Variants in ZDHHC14 observed in about 807,000 individuals in gnomAD.
ZDHHC14 encodes palmitoyltransferase ZDHHC14.
In ZDHHC14, 16 loss-of-function variants were observed where a neutral mutation model predicts 47.7. That is an observed-to-expected ratio of 0.34 (90% CI 0.23 to 0.51). ZDHHC14 has a LOEUF of 0.51. Among genes scored for constraint, ZDHHC14 ranks in the 20% least tolerant of loss-of-function variants. The probability of loss-of-function intolerance (pLI) is 0.97; values close to 1 mark genes in which losing one functional copy is unlikely to be tolerated. For synonymous variants in ZDHHC14, 293 were observed against 278.9 expected, an observed-to-expected ratio of 1.05 and a Z score of -0.50; for missense variants, 515 against 662.5, an observed-to-expected ratio of 0.78 and a Z score of 2.44.
At chr6:157,421,914 G>A (rs1420806147) in intron 1 of ZDHHC14, among the ~76,000 whole-genome samples, 1 of 152,170 alleles carries the variant, frequency 6.6e-6, no homozygotes, top group African/African-American at 2.4e-5. Context: ...GGCCTGGATT[G>A]TGTGTTTCAC....
intron 2 of ZDHHC14, among the ~76,000 whole-genome samples, chr6:157,559,510 C>G (rs1397499991): frequency 1.3e-5 from 2 of 152,232 alleles, no homozygotes; most frequent in Non-Finnish European, 2.9e-5. Context: ...AAAGAATCCG[C>G]TCAAGCTGGA....
chr6:157,452,174 C>T (rs1158027706), intron 1 of ZDHHC14, among the ~76,000 whole-genome samples: 2 of 152,198 alleles, frequency 1.3e-5, no homozygotes, highest in African/African-American at 4.8e-5. Context: ...GATTTATAGT[C>T]TCTGACCTAA....
At chr6:157,563,287 C>T (rs143983183) in intron 2 of ZDHHC14, among the ~76,000 whole-genome samples, 2 of 152,222 alleles carry the variant, frequency 1.3e-5, no homozygotes, top group Admixed American at 1.3e-4. Context: ...GGCCCCTGCC[C>T]GAGCTTGGCC....
intron 3 of ZDHHC14, among the ~76,000 whole-genome samples, chr6:157,603,798 A>C (rs1035651384): frequency 1.3e-5 from 2 of 152,178 alleles, no homozygotes; most frequent in Non-Finnish European, 2.9e-5. Flanking sequence ...TGTGGTACTT[A>C]CTGGCCGCCA....
chr6:157,661,581 G>A (rs1778345247), intron 8 of ZDHHC14, among the ~76,000 whole-genome samples: 1 of 152,186 alleles, frequency 6.6e-6, no homozygotes, highest in African/African-American at 2.4e-5. Flanking sequence ...TATGCAGTGG[G>A]GAGTGGCAGA....
intron 8 of ZDHHC14, among the ~76,000 whole-genome samples, chr6:157,657,670 T>G (rs932523118): frequency 2.6e-5 from 4 of 152,224 alleles, no homozygotes; most frequent in African/African-American, 9.6e-5. Context: ...CTCAACATCC[T>G]GGGAGTCATA....
chr6:157,610,432 A>C (rs751442259), intron 3 of ZDHHC14, among the ~76,000 whole-genome samples: 1 of 151,548 alleles, frequency 6.6e-6, no homozygotes. Context: ...ACTCCGTCTC[A>C]AAAAAATAAA....
intron 2 of ZDHHC14, among the ~76,000 whole-genome samples, chr6:157,543,928 A>G (rs1053517214): frequency 6.6e-6 from 1 of 152,210 alleles, no homozygotes; most frequent in Non-Finnish European, 1.5e-5. Flanking sequence ...TAGCACTTTA[A>G]TCGTTTGTCA....
intron 2 of ZDHHC14, 56 bp from the exon 3 acceptor site, chr6:157,592,932 G>C: frequency 1.3e-6 from 2 of 1,541,696 alleles, no homozygotes; most frequent in East Asian, 2.3e-5. Context: ...GACGGGTCCC[G>C]CCGAGGCAGA....
intron 1 of ZDHHC14, among the ~76,000 whole-genome samples, chr6:157,422,765 T>C (rs1399003251): frequency 6.6e-6 from 1 of 152,236 alleles, no homozygotes; most frequent in East Asian, 1.9e-4. Context: ...CCAAGGCATT[T>C]GTATCGACCC....
Position 157,394,894 on chromosome 6 carries a change from A to C in ZDHHC14, c.245+12628A>C, listed in dbSNP as rs138740293. On this transcript the variant is annotated intron_variant, in intron 1 of 8. Transcript: ENST00000359775. ...ACTAAAGTTACAGGGCTGAAGTTTGAGAATTTTAAAAAAATGATGGTAAAT... is the reference window on the plus strand; with the variant it reads ...ACTAAAGTTACAGGGCTGAAGTTTGCGAATTTTAAAAAAATGATGGTAAAT... Among the ~76,000 whole-genome samples the C allele has an allele frequency of 1.7e-4, 26 of 152,136 alleles. No individual in the cohort carries two copies. In the East Asian group the frequency reaches 4.8e-3, roughly 28 times the overall value.
chr6:157,638,976 A>G (rs1777113871), intron 5 of ZDHHC14, among the ~76,000 whole-genome samples: 1 of 152,238 alleles, frequency 6.6e-6, no homozygotes, highest in Non-Finnish European at 1.5e-5. Flanking sequence ...GGGGCAGCCC[A>G]TCTGCAGGGC....
intron 8 of ZDHHC14, among the ~76,000 whole-genome samples, chr6:157,659,772 T>C (rs1778264078): frequency 6.6e-6 from 1 of 152,248 alleles, no homozygotes; most frequent in Admixed American, 6.5e-5. Context: ...CGTCTTCCTT[T>C]CTACTTATTT....
intron 1 of ZDHHC14, among the ~76,000 whole-genome samples, chr6:157,535,350 G>A (rs1235046233): frequency 6.6e-6 from 1 of 152,140 alleles, no homozygotes; most frequent in Non-Finnish European, 1.5e-5. Flanking sequence ...GACATTCCTC[G>A]ACTCGGTAGG....
chr6:157,453,526 C>T (rs1778848017), intron 1 of ZDHHC14, among the ~76,000 whole-genome samples: 1 of 152,186 alleles, frequency 6.6e-6, no homozygotes, highest in South Asian at 2.1e-4. Context: ...TTATAAAAGA[C>T]CCTCTACTAA....
chr6:157,416,436 G>C (rs1475800573), intron 1 of ZDHHC14, among the ~76,000 whole-genome samples: 1 of 152,022 alleles, frequency 6.6e-6, no homozygotes, highest in Non-Finnish European at 1.5e-5. Context: ...GCCAAGTCAA[G>C]AGGATTGCTT....
intron 1 of ZDHHC14, among the ~76,000 whole-genome samples, chr6:157,489,080 C>T (rs1332987306): frequency 6.6e-6 from 1 of 152,234 alleles, no homozygotes; most frequent in Non-Finnish European, 1.5e-5. Flanking sequence ...ATCAGCAGAT[C>T]TGTCTGGAAT....
chr6:157,543,231 T>C (rs1286354427), intron 2 of ZDHHC14, among the ~76,000 whole-genome samples: 1 of 152,342 alleles, frequency 6.6e-6, no homozygotes, highest in East Asian at 1.9e-4. Context: ...CTGTGATATG[T>C]ATTGAGATGA....
chr6:157,655,094 G>A (rs1451709524), intron 8 of ZDHHC14, among the ~76,000 whole-genome samples: 1 of 152,136 alleles, frequency 6.6e-6, no homozygotes. Context: ...CTGTGTAAGG[G>A]ATTTGGGGAA....
Sources: gnomAD v4.1 joint callset for allele counts (sites outside exome capture counted in the v4.1 genomes callset) on GRCh38, gnomAD v4.1.1 for gene constraint, MANE v1.5 for transcripts, NCBI Gene and HGNC (gene_info 2026-07-23, HGNC 2026-07-21) for gene names.